FUBP1: variants seen among roughly 807,000 people sequenced by gnomAD.
The protein encoded by FUBP1 is far upstream element-binding protein 1.
In FUBP1, 16 loss-of-function variants were observed where a neutral mutation model predicts 94.9. That is an observed-to-expected ratio of 0.17 (90% CI 0.11 to 0.26). The LOEUF is 0.26. Among genes scored for constraint, FUBP1 ranks in the 10% least tolerant of loss-of-function variants. FUBP1 has a pLI of 1.00. For missense variants in FUBP1, 583 were observed against 808.6 expected, an observed-to-expected ratio of 0.72 and a Z score of 3.38; for synonymous variants, 279 against 254.9, an observed-to-expected ratio of 1.09 and a Z score of -0.90.
chr1:77,949,019 C>T (rs777313619), intron 19 of FUBP1, 136 bp downstream of exon 19: 109 of 948,166 alleles, frequency 1.1e-4, no homozygotes, highest in South Asian at 1.0e-3. Context: ...AACAATACAC[C>T]GTAGTACTTC....
chr1:77,963,811 C>A (rs932131674), intron 12 of FUBP1, 96 bp from the exon 13 acceptor site: 2 of 1,010,396 alleles, frequency 2.0e-6, no homozygotes, highest in Non-Finnish European at 2.9e-6. Flanking sequence ...CTCTCATATA[C>A]CTGAATCAGA....
At chr1:77,965,371 T>G (rs1656281019) in intron 7 of FUBP1, 140 bp from the exon 8 acceptor site, 2 of 460,504 alleles carry the variant, frequency 4.3e-6, no homozygotes, top group Admixed American at 3.7e-5. Flanking sequence ...TTAACAATGC[T>G]TTTACTTTTA....
chr1:77,964,385 A>C (rs1656082483), intron 10 of FUBP1, 29 bp from the exon 11 acceptor site: 2 of 1,350,982 alleles, frequency 1.5e-6, no homozygotes, highest in Non-Finnish European at 2.1e-6. Flanking sequence ...AGTATTAAGA[A>C]AGCTAGCTTC....
In FUBP1 at chr1:77,960,514, CAT is replaced by C. The variant is rs762002675; in HGVS notation, c.1345-21_1345-20del. On this transcript the variant is annotated intron_variant, in intron 14 of 19. Transcript: ENST00000370768. The stretch of plus-strand genomic sequence containing the variant: ...CTGGGCCCTACAAAAAAAAGGATGA[CAT>C]AGAAAAATCAGAAAAACACAGTAAT... 6.3e-7 allele frequency: 1 copy of C among 1,586,170 alleles called. No individual in the cohort carries two copies. Among genetic ancestry groups the C allele is most frequent in the Non-Finnish European group, 8.6e-7 (1 of 1,166,614 alleles).
intron 18 of FUBP1, among the ~76,000 whole-genome samples, chr1:77,953,706 T>C (rs563844269): frequency 4.9e-4 from 74 of 151,922 alleles, no homozygotes; most frequent in Admixed American, 7.9e-4. Flanking sequence ...AAATAAAAAA[T>C]TAAAGACAAG....
chr1:77,948,624 T>TC lies in FUBP1; in HGVS notation c.*141dup. On this transcript the variant is annotated 3_prime_UTR_variant, in exon 20 of 20. Coordinates refer to ENST00000370768, the MANE Select transcript of FUBP1 (RefSeq NM_003902.5). The stretch of plus-strand genomic sequence containing the variant: ...GTAGTGATAGATATTTTGTACATTT[T>TC]CAAAAAAAAAAAAAAAAAAGGAAAC... The TC allele has an allele frequency of 1.0e-6, 1 of 963,358 alleles. No individual in the cohort carries two copies. The highest frequency in any genetic ancestry group is 1.4e-6 in the Non-Finnish European group (1 of 709,734). The allele number at this position is 963,358 out of a possible 1,614,324, so 59.7% of individuals were successfully genotyped here.
intron 18 of FUBP1, among the ~76,000 whole-genome samples, chr1:77,950,439 C>T (rs1305365028): frequency 6.6e-6 from 1 of 152,172 alleles, no homozygotes; most frequent in Admixed American, 6.5e-5. Context: ...GGATTACAGG[C>T]GTCAACCACT....
At chr1:77,953,414 C>T (rs1437825377) in intron 18 of FUBP1, among the ~76,000 whole-genome samples, 1 of 152,142 alleles carries the variant, frequency 6.6e-6, no homozygotes, top group Non-Finnish European at 1.5e-5. Flanking sequence ...TCGCTTGAAC[C>T]TGGGAGGCGG....
intron 17 of FUBP1, 174 bp from the exon 18 acceptor site, chr1:77,955,503 G>T (rs1654281241): frequency 1.8e-6 from 1 of 542,370 alleles, no homozygotes; most frequent in Non-Finnish European, 3.3e-6. Flanking sequence ...GGTACTGGGG[G>T]TACAGAGGTG....
intron 18 of FUBP1, among the ~76,000 whole-genome samples, chr1:77,953,488 CAAAT>C (rs531918552): frequency 5.3e-5 from 8 of 152,068 alleles, no homozygotes; most frequent in Non-Finnish European, 1.0e-4. Flanking sequence ...GACTCCCTCT[CAAAT>C]AAATAAATAA....
chr1:77,968,562 G>C (rs909134386), intron 2 of FUBP1, among the ~76,000 whole-genome samples: 4 of 151,016 alleles, frequency 2.6e-5, no homozygotes, highest in African/African-American at 9.7e-5. Context: ...AGGAACTGAA[G>C]ACTGGGGGGA....
At chr1:77,975,846 T>C (rs543612529) in intron 1 of FUBP1, among the ~76,000 whole-genome samples, 2 of 150,822 alleles carry the variant, frequency 1.3e-5, no homozygotes, top group South Asian at 4.2e-4. Context: ...CAGGATATTA[T>C]AAAAATCTAA....
intron 1 of FUBP1, among the ~76,000 whole-genome samples, chr1:77,973,836 T>C (rs867281394): frequency 3.9e-4 from 60 of 152,226 alleles, no homozygotes; most frequent in African/African-American, 1.4e-3. Context: ...ATATAACTTA[T>C]TATAGCATAT....
Position 77,966,618 on chromosome 1 carries a change from A to G in FUBP1, c.473+76T>C. Reference sequence around the variant, plus strand: ...AAACCACAGTGTAAAATAAAGCAGTAACAAAGAGAAGAGACAAAATTCAAA... The same window carrying G: ...AAACCACAGTGTAAAATAAAGCAGTGACAAAGAGAAGAGACAAAATTCAAA... On this transcript the variant is annotated intron_variant, in intron 7 of 19. Transcript: ENST00000370768. The G allele has an allele frequency of 5.0e-6, 4 of 793,668 alleles. No homozygotes were observed. The South Asian group carries it at 5.9e-5, about 12-fold the overall frequency. 49.2% of individuals were successfully genotyped at this position (793,668 alleles called of 1,614,324 possible). A position where few individuals can be genotyped will look rare whatever the true frequency, so the allele number is the denominator to read the frequency against.
Position 77,948,744 on chromosome 1 carries a change from A to T in FUBP1, c.*22T>A, listed in dbSNP as rs1213077151. ...TTTTTTCCCCCACACAATGAAGCAA[A>T]TACTGTATTGTCCACTTCTTATTAT... On this transcript the variant is annotated 3_prime_UTR_variant, in exon 20 of 20. Coordinates refer to ENST00000370768, the MANE Select transcript of FUBP1 (RefSeq NM_003902.5). 3.1e-6 allele frequency: 5 copies of T among 1,608,058 alleles called. No individual in the cohort carries two copies. The highest frequency in any genetic ancestry group is 2.2e-5 in the East Asian group (1 of 44,794).
intron 1 of FUBP1, among the ~76,000 whole-genome samples, chr1:77,971,965 A>G (rs544550788): frequency 1.4e-5 from 2 of 146,740 alleles, no homozygotes; most frequent in Non-Finnish European, 3.0e-5. Flanking sequence ...AGATCACGCC[A>G]CTGCACTCCA....
At chr1:77,970,185 C>G (rs772358254) in intron 1 of FUBP1, among the ~76,000 whole-genome samples, 170 bp from the exon 2 acceptor site, 1 of 152,118 alleles carries the variant, frequency 6.6e-6, no homozygotes, top group African/African-American at 2.4e-5. Context: ...ATTAATACTT[C>G]AGGCAGTTAA....
chr1:77,969,423 G>C (rs1006011456), intron 2 of FUBP1, among the ~76,000 whole-genome samples: 23 of 151,628 alleles, frequency 1.5e-4, no homozygotes, highest in Admixed American at 3.3e-4. Flanking sequence ...AAAGCTAAAC[G>C]TGAAACACAA....
At chr1:77,979,236 T>C (rs1224243312), upstream of FUBP1, 1 of 507,540 alleles carries the variant, frequency 2.0e-6, no homozygotes, top group Non-Finnish European at 3.5e-6. Flanking sequence ...GAGGATTAAG[T>C]TTAAGACTTC....
Sources: gnomAD v4.1 joint callset for allele counts (sites outside exome capture counted in the v4.1 genomes callset) on GRCh38, gnomAD v4.1.1 for gene constraint, MANE v1.5 for transcripts, NCBI Gene and HGNC (gene_info 2026-07-23, HGNC 2026-07-21) for gene names.